AKTIP: variants seen among roughly 807,000 people sequenced by gnomAD.
AKTIP encodes the protein AKT-interacting protein.
In AKTIP, 16 loss-of-function variants were observed where a neutral mutation model predicts 39.1. That is an observed-to-expected ratio of 0.41 (90% CI 0.28 to 0.62). The LOEUF is 0.62. Ranked by LOEUF, AKTIP falls within the 20% of genes least tolerant of loss-of-function variation. The probability of loss-of-function intolerance (pLI) is 0.32; values close to 1 mark genes in which losing one functional copy is unlikely to be tolerated. For synonymous variants in AKTIP, 93 were observed against 124.3 expected (o/e 0.75, Z 1.67); for missense variants, 262 against 356.6 (o/e 0.73, Z 2.14).
chr16:53,497,223 G>A (rs1438064323), intron 3 of AKTIP, among the ~76,000 whole-genome samples: 1 of 152,066 alleles, frequency 6.6e-6, no homozygotes. Context: ...TGCAGTGCTG[G>A]AGCCCCCGTG....
rs377008767 is a variant in AKTIP, at chr16:53,497,980, C to G, written c.248+411G>C. On this transcript the variant is annotated intron_variant, in intron 3 of 9. Transcript: ENST00000394657. ...GCCAGGCTGGTCTTGAACTCCTGAA[C>G]CTCGTGATCCACCTGCCTGGGCCTC... 2.4e-4 allele frequency among the ~76,000 whole-genome samples: 36 copies of G among 152,362 alleles called. No homozygotes were observed. The East Asian group carries it at 6.8e-3, about 29-fold the overall frequency.
upstream of AKTIP, among the ~76,000 whole-genome samples, chr16:53,504,048 G>A (rs1204670438): frequency 6.6e-6 from 1 of 151,638 alleles, no homozygotes; most frequent in African/African-American, 2.4e-5. Context: ...GGCGCACACT[G>A]AAGTTGGAGA....
intron 3 of AKTIP, 150 bp downstream of exon 3, chr16:53,498,240 GT>G: frequency 1.2e-6 from 1 of 805,434 alleles, no homozygotes; most frequent in Non-Finnish European, 2.0e-6. Context: ...ATAGCCTATA[GT>G]TTTATATTTA....
In AKTIP at chr16:53,497,893, C is replaced by T. The variant is rs370269338; in HGVS notation, c.248+498G>A. 3.4e-3 allele frequency among the ~76,000 whole-genome samples: 525 copies of T among 152,274 alleles called. 4 individuals are homozygous for T. The highest frequency in any genetic ancestry group is 5.3e-3 in the Non-Finnish European group (359 of 68,022). The stretch of plus-strand genomic sequence containing the variant: ...CCTCCCGAGTAGCTGGGATTACAGG[C>T]GCCTGCCATCAAACCTGGCTAATTT... On this transcript the variant is annotated intron_variant, in intron 3 of 9. Coordinates refer to ENST00000394657, the MANE Select transcript of AKTIP (RefSeq NM_022476.4).
chr16:53,492,675 A>G lies in AKTIP; in HGVS notation c.771+18T>C. 2 of 1,613,176 alleles carry G rather than the reference A, an allele frequency of 1.2e-6. No individual in the cohort carries two copies. Among genetic ancestry groups the G allele is most frequent in the Non-Finnish European group, 1.7e-6 (2 of 1,179,162 alleles). ...AGAAACAATGAGTTAGCCATTTCAT[A>G]AGTTGTTATCCACTTACTTTCTGAG... On this transcript the variant is annotated intron_variant, in intron 9 of 9. Coordinates refer to ENST00000394657, the MANE Select transcript of AKTIP (RefSeq NM_022476.4).
In AKTIP at chr16:53,494,193, C is replaced by T. The variant is rs911361305; in HGVS notation, c.655G>A (p.Val219Met). The change falls in exon 8 of 10, where the codon GTG (valine) becomes ATG (methionine). Residue 219 changes from valine (V) to methionine (M), a missense_variant. Coordinates refer to ENST00000394657, the MANE Select transcript of AKTIP (RefSeq NM_022476.4). The part of the protein sequence containing the change: ...FKSKVVDSVK[V>M]CTARLFDQPK... ...TGGTCAAACAAACGAGCAGTGCACA[C>T]CTTAACACTGTCAACAACTTTACTT... 6.2e-7 allele frequency: 1 copy of T among 1,614,042 alleles called. No individual in the cohort carries two copies. The highest frequency in any genetic ancestry group is 8.5e-7 in the Non-Finnish European group (1 of 1,180,036).
chr16:53,498,622 ATC>A lies in AKTIP; in HGVS notation c.43-28_43-27del, dbSNP rs780618713. ...CTATACAAGATGAAGTTGTAAGAATATCTGTTAGGATGATTCTTAAATCACAA... is the reference window on the plus strand; with the variant it reads ...CTATACAAGATGAAGTTGTAAGAATATGTTAGGATGATTCTTAAATCACAA... On this transcript the variant is annotated intron_variant, in intron 2 of 9. Coordinates refer to ENST00000394657, the MANE Select transcript of AKTIP (RefSeq NM_022476.4). The A allele has an allele frequency of 1.9e-6, 3 of 1,595,118 alleles. No individual in the cohort carries two copies. The South Asian group carries it at 3.3e-5, about 18-fold the overall frequency.
Position 53,498,612 on chromosome 16 carries a change from T to C in AKTIP, c.43-16A>G. ...CTTCAGATCGCTATACAAGATGAAG[T>C]TGTAAGAATATCTGTTAGGATGATT... On this transcript the variant is annotated splice_polypyrimidine_tract_variant and intron_variant, in intron 2 of 9. Coordinates refer to ENST00000394657, the MANE Select transcript of AKTIP (RefSeq NM_022476.4). 6.2e-7 allele frequency: 1 copy of C among 1,610,752 alleles called. No individual in the cohort carries two copies. The highest frequency in any genetic ancestry group is 8.5e-7 in the Non-Finnish European group (1 of 1,176,914).
In AKTIP at chr16:53,491,216, C is replaced by T. The variant is rs1961425183; in HGVS notation, c.*1196G>A. ...GGATTAATATGAAAACTTATGACCT[C>T]TTCCTTTAGGAGGGAGTTATCTAAA... On this transcript the variant is annotated 3_prime_UTR_variant, in exon 10 of 10. Transcript: ENST00000394657. 1 of 152,144 alleles carries T rather than the reference C, an allele frequency of 6.6e-6. No homozygotes were observed. Among genetic ancestry groups the T allele is most frequent in the Non-Finnish European group, 1.5e-5 (1 of 68,014 alleles). The allele number at this position is 152,144 out of a possible 1,614,324, so 9.4% of individuals were successfully genotyped here.
Position 53,495,247 on chromosome 16 carries a change from GA to G in AKTIP, c.313+14del, listed in dbSNP as rs1343171273. On this transcript the variant is annotated intron_variant, in intron 4 of 9. Coordinates refer to ENST00000394657, the MANE Select transcript of AKTIP (RefSeq NM_022476.4). ...CTAAATGTGCCCATAAATTAAGAGT[GA>G]ATCCTCATCTTACTTAATGCAGAGC... The G allele has an allele frequency of 1.9e-6, 3 of 1,613,890 alleles. No homozygotes were observed. Among genetic ancestry groups the G allele is most frequent in the Non-Finnish European group, 2.5e-6 (3 of 1,179,904 alleles).
At position 53,492,133 on chromosome 16, in the gene AKTIP, G is replaced by GCAT. The variant is rs1961518166; in HGVS notation, c.*276_*278dup. ...TTTAAATGAATGCAACTTACCTTTA[G>GCAT]CATTATATTCAGAAAAATACTTACT... On this transcript the variant is annotated 3_prime_UTR_variant, in exon 10 of 10. Transcript: ENST00000394657. 1.2e-5 allele frequency: 4 copies of GCAT among 347,140 alleles called. No individual in the cohort carries two copies. Among genetic ancestry groups the GCAT allele is most frequent in the Middle Eastern group, 8.3e-4 (1 of 1,202 alleles). 21.5% of individuals were successfully genotyped at this position (347,140 alleles called of 1,614,324 possible). A position where few individuals can be genotyped will look rare whatever the true frequency, so the allele number is the denominator to read the frequency against.
In AKTIP at chr16:53,497,027, G is replaced by C. The variant is rs146164436; in HGVS notation, c.248+1364C>G. Among the ~76,000 whole-genome samples, 822 of 152,052 alleles carry C rather than the reference G, an allele frequency of 5.4e-3. 5 individuals are homozygous for C. The highest frequency in any genetic ancestry group is 0.019 in the African/African-American group (799 of 41,454). On this transcript the variant is annotated intron_variant, in intron 3 of 9. Coordinates refer to ENST00000394657, the MANE Select transcript of AKTIP (RefSeq NM_022476.4). ...GCCCAGGCTGGTCTTGAACTCCTGG[G>C]TTCCAGTGATCCTCCTGCGTCAGTC...
At position 53,491,477 on chromosome 16, in the gene AKTIP, A is replaced by T. The variant is rs1961451766; in HGVS notation, c.*935T>A. The T allele has an allele frequency of 6.6e-6, 1 of 152,588 alleles. No homozygotes were observed. The highest frequency in any genetic ancestry group is 2.4e-5 in the African/African-American group (1 of 41,458). The allele number at this position is 152,588 out of a possible 1,614,324, so 9.5% of individuals were successfully genotyped here. ...GGGAGAAAATTCAATTGTAAATTGA[A>T]TCAGTATAAACAAAGTTACTAGGTA... On this transcript the variant is annotated 3_prime_UTR_variant, in exon 10 of 10. Coordinates refer to ENST00000394657, the MANE Select transcript of AKTIP (RefSeq NM_022476.4).
At chr16:53,502,231 C>A (rs1291165495) in intron 1 of AKTIP, among the ~76,000 whole-genome samples, 4 of 152,232 alleles carry the variant, frequency 2.6e-5, no homozygotes, top group Admixed American at 2.6e-4. Flanking sequence ...CCAGCAGCAA[C>A]ATAATCACGA....
intron 3 of AKTIP, 37 bp from the exon 4 acceptor site, chr16:53,495,363 C>A (rs1567757802): frequency 3.1e-6 from 5 of 1,600,890 alleles, no homozygotes; most frequent in Non-Finnish European, 3.4e-6. Context: ...TGTGTGGATA[C>A]AAATGACACA....
intron 2 of AKTIP, 35 bp from the exon 3 acceptor site, chr16:53,498,631 G>A: frequency 6.3e-7 from 1 of 1,583,340 alleles, no homozygotes; most frequent in Non-Finnish European, 8.7e-7. Context: ...TATCTGTTAG[G>A]ATGATTCTTA....
At chr16:53,495,235 T>G in intron 4 of AKTIP, 27 bp downstream of exon 4, 1 of 1,613,930 alleles carries the variant, frequency 6.2e-7, no homozygotes, top group Non-Finnish European at 8.5e-7. Flanking sequence ...AATGTGCCCA[T>G]AAATTAAGAG....
At chr16:53,500,553 T>C (rs551358369) in intron 1 of AKTIP, among the ~76,000 whole-genome samples, 2 of 152,124 alleles carry the variant, frequency 1.3e-5, no homozygotes, top group African/African-American at 4.8e-5. Context: ...AAGTTTTGTA[T>C]CTTTAGTAGA....
At chr16:53,501,113 C>A (rs1355854099) in intron 1 of AKTIP, 1 of 152,172 alleles carries the variant, frequency 6.6e-6, no homozygotes, top group African/African-American at 2.4e-5. Context: ...CACCTGAGTA[C>A]AAAATGATTC....
Sources: gnomAD v4.1 joint callset for allele counts (sites outside exome capture counted in the v4.1 genomes callset) on GRCh38, gnomAD v4.1.1 for gene constraint, MANE v1.5 for transcripts, NCBI Gene and HGNC (gene_info 2026-07-23, HGNC 2026-07-21) for gene names.